The following ITIH5 variants were observed in gnomAD, a reference collection of about 807,000 sequenced individuals.
ITIH5 encodes the protein inter-alpha-trypsin inhibitor heavy chain H5.
In ITIH5, 65 loss-of-function variants were observed where a neutral mutation model predicts 77.5. The observed-to-expected ratio is 0.84, with a 90% CI of 0.69 to 1.03. ITIH5 has a LOEUF of 1.03. ITIH5 is among the 50% of genes least tolerant of loss of function. ITIH5 has a pLI of 0.00. For synonymous variants in ITIH5, 525 were observed against 494.3 expected, an observed-to-expected ratio of 1.06 and a Z score of -0.82; for missense variants, 1,208 against 1,213.1, an observed-to-expected ratio of 1.00 and a Z score of 0.06.
chr10:7,636,923 T>C (rs550892252), intron 5 of ITIH5, among the ~76,000 whole-genome samples: 1 of 152,172 alleles, frequency 6.6e-6, no homozygotes, highest in South Asian at 2.1e-4. Flanking sequence ...TGGTGGCACA[T>C]GCCTGTAATC....
chr10:7,600,619 C>T, intron 7 of ITIH5: 1 of 456,436 alleles, frequency 2.2e-6, no homozygotes, highest in African/African-American at 2.0e-5. Context: ...TTTGGTTAAT[C>T]AGAACATCCT....
chr10:7,569,747 C>T lies in ITIH5; in HGVS notation c.2070G>A (p.Leu690=). The change falls in exon 12 of 14, where the codon CTG becomes CTA. Residue 690 remains leucine, a synonymous_variant. Transcript: ENST00000397146. ...GDPHFVVDFP[L]SRLTVCFNID... is the part of the protein sequence containing the mutation. ...TGTTGAAGCACACGGTGAGTCTGCT[C>T]AGGGGGAAATCCACAACAAAGTGGG... 6.2e-7 allele frequency: 1 copy of T among 1,612,266 alleles called. No homozygotes were observed. Among genetic ancestry groups the T allele is most frequent in the South Asian group, 1.1e-5 (1 of 90,668 alleles).
At chr10:7,604,380 G>C (rs972703368) in intron 7 of ITIH5, among the ~76,000 whole-genome samples, 6 of 152,312 alleles carry the variant, frequency 3.9e-5, no homozygotes, top group African/African-American at 1.4e-4. Context: ...CTCATCTGCT[G>C]TTCCCACAGG....
intron 5 of ITIH5, among the ~76,000 whole-genome samples, chr10:7,627,066 C>T (rs568458063): frequency 2.0e-5 from 3 of 152,068 alleles, no homozygotes; most frequent in Non-Finnish European, 2.9e-5. Context: ...CGAAGACAAC[C>T]GAAGTCTTCA....
At chr10:7,661,866 A>G (rs1834281922) in intron 1 of ITIH5, among the ~76,000 whole-genome samples, 1 of 151,782 alleles carries the variant, frequency 6.6e-6, no homozygotes, top group Non-Finnish European at 1.5e-5. Context: ...ATGCCCAGCT[A>G]ATTTTTGTAC....
At chr10:7,592,989 G>A (rs569301120) in intron 7 of ITIH5, among the ~76,000 whole-genome samples, 1 of 152,130 alleles carries the variant, frequency 6.6e-6, no homozygotes, top group Non-Finnish European at 1.5e-5. Context: ...GGCCTGCCAG[G>A]AAGGCCACCC....
At chr10:7,660,498 C>T (rs1834259134) in intron 1 of ITIH5, among the ~76,000 whole-genome samples, 1 of 152,158 alleles carries the variant, frequency 6.6e-6, no homozygotes, top group African/African-American at 2.4e-5. Flanking sequence ...TTAGGACGAG[C>T]ATGTGTCAGT....
chr10:7,576,498 G>A lies in ITIH5; in HGVS notation c.1933C>T (p.Pro645Ser), dbSNP rs748807404. 5.6e-6 allele frequency: 9 copies of A among 1,609,768 alleles called. No homozygotes were observed. The Admixed American group carries it at 6.7e-5, about 12-fold the overall frequency. ...EAHGMSAAMG[P>S]EPVVQSVRGA... ...CGCACGCTCTGCACCACCGGTTCGG[G>A]TCCCATGGCAGCCGACATGCCGTGG... Residue 645 changes from proline (P) to serine (S), a missense_variant, in exon 10 of 14, where the codon CCC becomes TCC. Transcript: ENST00000397146.
intron 7 of ITIH5, among the ~76,000 whole-genome samples, chr10:7,590,066 G>A (rs923198057): frequency 6.6e-6 from 1 of 152,046 alleles, no homozygotes; most frequent in Admixed American, 6.5e-5. Flanking sequence ...TCTGGAGCTG[G>A]CCTCTCGTTC....
intron 7 of ITIH5, among the ~76,000 whole-genome samples, chr10:7,603,623 G>A (rs562692801): frequency 6.6e-6 from 1 of 152,216 alleles, no homozygotes; most frequent in South Asian, 2.1e-4. Flanking sequence ...TCGCTCTGTC[G>A]TCCAGGCTGG....
Position 7,566,326 on chromosome 10 carries a change from A to T in ITIH5, c.2231T>A (p.Ile744Asn), listed in dbSNP as rs1832156933. The T allele has an allele frequency of 2.5e-6, 4 of 1,613,724 alleles. No individual in the cohort carries two copies. Among genetic ancestry groups the T allele is most frequent in the Non-Finnish European group, 2.5e-6 (3 of 1,179,772 alleles). Residue 744 changes from isoleucine (I) to asparagine (N), a missense_variant, in exon 13 of 14, where the codon ATC (isoleucine) becomes AAC (asparagine). Physicochemically the swap from Ile to Asn is moderately radical, Grantham distance 149. Coordinates refer to ENST00000397146, the MANE Select transcript of ITIH5 (RefSeq NM_030569.7). ...CTCTGGCTTGTTGATGAGGATGGTGATAGTGCGCAAGTAAGTGCGCTGTTT... is the reference window on the plus strand; with the variant it reads ...CTCTGGCTTGTTGATGAGGATGGTGTTAGTGCGCAAGTAAGTGCGCTGTTT... ...HKKQRTYLRT[I>N]TILINKPERS...
At chr10:7,645,914 T>G (rs988144204) in intron 2 of ITIH5, among the ~76,000 whole-genome samples, 4 of 151,990 alleles carry the variant, frequency 2.6e-5, no homozygotes, top group South Asian at 2.1e-4. Context: ...ACCTGTGGGG[T>G]TTTTTTTAAA....
intron 5 of ITIH5, among the ~76,000 whole-genome samples, chr10:7,626,016 T>C (rs1370700658): frequency 6.6e-6 from 1 of 152,178 alleles, no homozygotes; most frequent in Admixed American, 6.5e-5. Flanking sequence ...CATTAGTGCA[T>C]AGCTGGGCAG....
Position 7,655,663 on chromosome 10 carries a change from C to T in ITIH5, c.103G>A (p.Val35Ile), listed in dbSNP as rs544768607. The change falls in exon 2 of 14, where the codon GTC (valine) becomes ATC (isoleucine). Residue 35 changes from valine (V) to isoleucine (I), a missense_variant. Val to Ile is a conservative substitution (Grantham distance 29, BLOSUM62 3). Coordinates refer to ENST00000397146, the MANE Select transcript of ITIH5 (RefSeq NM_030569.7). ...TGCAACAGTCTGACTTGCCTCGGGACCCTGAGTCCATCCTAGAAAAGAGAA... is the reference window on the plus strand; with the variant it reads ...TGCAACAGTCTGACTTGCCTCGGGATCCTGAGTCCATCCTAGAAAAGAGAA... ...GHSSEQDGLRVPRQVRLLQRL... is the reference protein window; with the variant it reads ...GHSSEQDGLRIPRQVRLLQRL... 4 of 1,612,336 alleles carry T rather than the reference C, an allele frequency of 2.5e-6. No homozygotes were observed. In the African/African-American group the frequency reaches 4.0e-5, roughly 16 times the overall value.
At chr10:7,609,999 TAAC>T (rs1564258644) in intron 7 of ITIH5, among the ~76,000 whole-genome samples, 1 of 151,208 alleles carries the variant, frequency 6.6e-6, no homozygotes, top group African/African-American at 2.4e-5. Flanking sequence ...AGCATGCAAC[TAAC>T]AACAAAAAAA....
rs143698831 is a variant in ITIH5 at position 7,612,196 on chromosome 10, A to G, written c.939+3786T>C. 2.4e-3 allele frequency among the ~76,000 whole-genome samples: 362 copies of G among 152,360 alleles called. 1 individual carries two copies. Among genetic ancestry groups the G allele is most frequent in the Non-Finnish European group, 4.2e-3 (288 of 68,030 alleles). ...CCGATGGGGTTTATTATCACAAAAA[A>G]TGGAAATGGCTGAAAAGTCTCTAAT... is the stretch of plus-strand genomic sequence containing the variant. On this transcript the variant is annotated intron_variant, in intron 7 of 13. Coordinates refer to ENST00000397146, the MANE Select transcript of ITIH5 (RefSeq NM_030569.7).
intron 7 of ITIH5, among the ~76,000 whole-genome samples, chr10:7,593,180 C>A (rs1013026267): frequency 6.6e-6 from 1 of 152,136 alleles, no homozygotes; most frequent in African/African-American, 2.4e-5. Context: ...TCAGCAGCTA[C>A]AGGCTCCTTA....
intron 1 of ITIH5, among the ~76,000 whole-genome samples, chr10:7,665,378 C>T (rs987275756): frequency 6.6e-6 from 1 of 152,228 alleles, no homozygotes; most frequent in African/African-American, 2.4e-5. Flanking sequence ...CAGCATGAGT[C>T]TAAGACCATG....
At chr10:7,606,382 G>A (rs2131016080) in intron 7 of ITIH5, among the ~76,000 whole-genome samples, 1 of 152,300 alleles carries the variant, frequency 6.6e-6, no homozygotes, top group Non-Finnish European at 1.5e-5. Flanking sequence ...ACTCGATAAA[G>A]AAAACGTGGT....
Sources: gnomAD v4.1 joint callset for allele counts (sites outside exome capture counted in the v4.1 genomes callset) on GRCh38, gnomAD v4.1.1 for gene constraint, MANE v1.5 for transcripts, NCBI Gene and HGNC (gene_info 2026-07-23, HGNC 2026-07-21) for gene names.